The following GABRB3 variants were observed in gnomAD, a reference collection of about 807,000 sequenced individuals.
GABRB3 encodes the protein gamma-aminobutyric acid receptor subunit beta-3.
A neutral mutation model predicts 52.1 loss-of-function variants in GABRB3; 14 were observed. The ratio of observed to expected loss-of-function variants is 0.27; its 90% CI spans 0.18 to 0.42. The LOEUF (loss-of-function observed/expected upper bound fraction) is 0.42. GABRB3 is among the 10% of genes least tolerant of loss of function. The pLI is 1.00. For synonymous variants in GABRB3, 260 were observed against 232.3 expected, an observed-to-expected ratio of 1.12 and a Z score of -1.08; for missense variants, 307 against 609.1, an observed-to-expected ratio of 0.50 and a Z score of 5.22.
chr15:26,706,848 G>C (rs542308056), intron 3 of GABRB3, among the ~76,000 whole-genome samples: 1 of 152,250 alleles, frequency 6.6e-6, no homozygotes, highest in East Asian at 1.9e-4. Flanking sequence ...AAAATAAAAG[G>C]GAGTCTCAGC....
At chr15:26,757,403 A>T (rs1277078662) in intron 3 of GABRB3, among the ~76,000 whole-genome samples, 2 of 152,126 alleles carry the variant, frequency 1.3e-5, no homozygotes, top group Non-Finnish European at 2.9e-5. Flanking sequence ...CAAACCAAAC[A>T]TTCTCTTCAT....
chr15:26,739,413 TTTATAGCCAATGG>T (rs996157913), intron 3 of GABRB3, among the ~76,000 whole-genome samples: 1 of 152,020 alleles, frequency 6.6e-6, no homozygotes. Flanking sequence ...AAACTACTTG[TTTATAGCCAATGG>T]TTGGTCCGAT....
At chr15:26,606,817 GATAGATAGATAGA>G (rs1891847741) in intron 4 of GABRB3, among the ~76,000 whole-genome samples, 1 of 12,952 alleles carries the variant, frequency 7.7e-5, no homozygotes, top group African/African-American at 1.4e-4. Flanking sequence ...TAGATAGATA[GATAGATAGATAGA>G]TAGATAGATA....
intron 8 of GABRB3, among the ~76,000 whole-genome samples, chr15:26,554,021 T>TTATATATATATATATATATATATATA (rs1218959912): frequency 8.4e-5 from 2 of 23,684 alleles, no homozygotes; most frequent in Non-Finnish European, 2.0e-4. Context: ...ACCTGACTAT[T>TTATATATATATATATATATATATATA]TATATATATA....
chr15:26,756,809 T>TCC (rs1595350087), intron 3 of GABRB3, among the ~76,000 whole-genome samples: 1 of 152,158 alleles, frequency 6.6e-6, no homozygotes, highest in East Asian at 1.9e-4. Context: ...CTACCTGCTT[T>TCC]CCTCCCTTTC....
At chr15:26,721,606 T>C (rs1404453247) in intron 3 of GABRB3, among the ~76,000 whole-genome samples, 1 of 151,790 alleles carries the variant, frequency 6.6e-6, no homozygotes, top group Non-Finnish European at 1.5e-5. Flanking sequence ...TTTTCTCTTG[T>C]TGATCTGTCT....
intron 3 of GABRB3, among the ~76,000 whole-genome samples, chr15:26,676,926 T>G (rs1455311279): frequency 6.6e-6 from 1 of 152,244 alleles, no homozygotes; most frequent in Non-Finnish European, 1.5e-5. Flanking sequence ...TTTAAAAATC[T>G]ATTTTAGCAA....
At chr15:26,682,111 C>A (rs1664688859) in intron 3 of GABRB3, among the ~76,000 whole-genome samples, 1 of 151,970 alleles carries the variant, frequency 6.6e-6, no homozygotes, top group Non-Finnish European at 1.5e-5. Context: ...TAGGTTTGTC[C>A]TTATAAGACC....
intron 4 of GABRB3, among the ~76,000 whole-genome samples, chr15:26,584,931 T>C (rs1401400508): frequency 6.6e-6 from 1 of 152,130 alleles, no homozygotes; most frequent in Admixed American, 6.5e-5. Flanking sequence ...CTAAAGAGAC[T>C]CTCTTCCATA....
At chr15:26,770,521 T>C (rs868384878) in intron 3 of GABRB3, among the ~76,000 whole-genome samples, 3 of 152,314 alleles carry the variant, frequency 2.0e-5, no homozygotes, top group African/African-American at 4.8e-5. Flanking sequence ...GTACCAACTA[T>C]CAGCATGATG....
chr15:26,622,560 C>T (rs1410744707), intron 3 of GABRB3, among the ~76,000 whole-genome samples: 1 of 152,214 alleles, frequency 6.6e-6, no homozygotes, highest in African/African-American at 2.4e-5. Flanking sequence ...TTTCTGAGTT[C>T]ACACACTTTA....
At chr15:26,561,204 C>T in intron 7 of GABRB3, 28 bp from the exon 8 acceptor site, 6 of 1,612,204 alleles carry the variant, frequency 3.7e-6, no homozygotes, top group Non-Finnish European at 5.1e-6. Flanking sequence ...TGGTGAGAGG[C>T]TGAAACTTTG....
intron 4 of GABRB3, among the ~76,000 whole-genome samples, chr15:26,606,847 G>A (rs188442056): frequency 2.3e-3 from 146 of 62,720 alleles, no homozygotes; most frequent in Non-Finnish European, 4.2e-3. Flanking sequence ...GATAGATATG[G>A]TTAAAGCAAA....
At chr15:26,745,296 T>A (rs1186570657) in intron 3 of GABRB3, among the ~76,000 whole-genome samples, 1 of 152,178 alleles carries the variant, frequency 6.6e-6, no homozygotes, top group Non-Finnish European at 1.5e-5. Flanking sequence ...AGTTTAACAT[T>A]TTTTTAATTT....
rs1350626438 is a variant in GABRB3 at position 26,764,156 on chromosome 15, A to C, written c.240+8246T>G. 9.4e-4 allele frequency among the ~76,000 whole-genome samples: 8 copies of C among 8,548 alleles called. 1 individual carries two copies. Among genetic ancestry groups the C allele is most frequent in the African/African-American group, 6.7e-4 (2 of 2,992 alleles). The allele number at this position is 8,548 out of a possible 152,430, so 5.6% of individuals were successfully genotyped here. ...CAGTGAGAGACTCGGTCTCAAAAAA[A>C]AAAAAAAAAAAAAAAAAAAAAAAAT... On this transcript the variant is annotated intron_variant, in intron 3 of 8. Coordinates refer to ENST00000311550, the MANE Select transcript of GABRB3 (RefSeq NM_000814.6).
intron 3 of GABRB3, among the ~76,000 whole-genome samples, chr15:26,717,135 C>G (rs952529318): frequency 6.8e-6 from 1 of 146,818 alleles, no homozygotes; most frequent in Admixed American, 6.8e-5. Flanking sequence ...AATGACAGCC[C>G]AGCTCTGAGG....
At chr15:26,699,130 T>C (rs1467030680) in intron 3 of GABRB3, among the ~76,000 whole-genome samples, 4 of 152,066 alleles carry the variant, frequency 2.6e-5, no homozygotes, top group Non-Finnish European at 5.9e-5. Context: ...GAGGAAAATT[T>C]GTCAGAGTTT....
intron 3 of GABRB3, among the ~76,000 whole-genome samples, chr15:26,712,064 G>C (rs1451237940): frequency 6.6e-6 from 1 of 152,156 alleles, no homozygotes; most frequent in African/African-American, 2.4e-5. Flanking sequence ...ATGCACTGGT[G>C]AGACAGCAGG....
intron 3 of GABRB3, among the ~76,000 whole-genome samples, chr15:26,697,616 G>A (rs150987682): frequency 6.6e-6 from 1 of 152,252 alleles, no homozygotes; most frequent in Non-Finnish European, 1.5e-5. Flanking sequence ...ACCCTTAAAT[G>A]CTGCTTTTCA....
Sources: gnomAD v4.1 joint callset for allele counts (sites outside exome capture counted in the v4.1 genomes callset) on GRCh38, gnomAD v4.1.1 for gene constraint, MANE v1.5 for transcripts, NCBI Gene and HGNC (gene_info 2026-07-23, HGNC 2026-07-21) for gene names.